The following SUGT1 variants were observed in gnomAD, a reference collection of about 807,000 sequenced individuals.
SUGT1 encodes the protein protein SGT1 homolog.
Under a neutral mutation model 56.1 loss-of-function variants are expected in SUGT1, and 15 were observed. The observed-to-expected ratio is 0.27, with a 90% CI of 0.18 to 0.41. SUGT1 has a LOEUF of 0.41. Among genes scored for constraint, SUGT1 ranks in the 10% least tolerant of loss-of-function variants. The pLI, the probability that SUGT1 is intolerant of heterozygous loss-of-function variation, is 1.00. For missense variants in SUGT1, 347 were observed against 382.2 expected (o/e 0.91, Z 0.77); for synonymous variants, 123 against 128.6 (o/e 0.96, Z 0.30).
At chr13:52,683,940 G>A (rs900236587) in intron 12 of SUGT1, among the ~76,000 whole-genome samples, 1 of 152,182 alleles carries the variant, frequency 6.6e-6, no homozygotes, top group Admixed American at 6.5e-5. Flanking sequence ...GAGTGTAGTA[G>A]TGTGATCATA....
In SUGT1 at chr13:52,698,446, A is replaced by AT. The variant is rs1963995611; in HGVS notation, c.*10612dup. The AT allele has an allele frequency of 5.8e-5, 2 of 34,350 alleles. No homozygotes were observed. Among genetic ancestry groups the AT allele is most frequent in the Non-Finnish European group, 1.2e-4 (2 of 16,938 alleles). The allele number at this position is 34,350 out of a possible 1,614,324, so 2.1% of individuals were successfully genotyped here. On this transcript the variant is annotated 3_prime_UTR_variant, in exon 13 of 13. Transcript: ENST00000310528. ...TCTCTCTTAAAACTTATTTATCCTAATCTTTTTTTTTTTTTTTTTTTTAAG... is the reference window on the plus strand; with the variant it reads ...TCTCTCTTAAAACTTATTTATCCTAATTCTTTTTTTTTTTTTTTTTTTTAAG...
chr13:52,652,845 T>C lies in SUGT1; in HGVS notation c.-76T>C, dbSNP rs1484838663. 6.4e-7 allele frequency: 1 copy of C among 1,567,110 alleles called. No individual in the cohort carries two copies. Among genetic ancestry groups the C allele is most frequent in the Non-Finnish European group, 8.7e-7 (1 of 1,154,490 alleles). ...AGCTCGGTTGGTGTTTCTCCAGAAGTTTCCCCCTTGGGCGGTGGTGGAGGT... is the reference window on the plus strand; with the variant it reads ...AGCTCGGTTGGTGTTTCTCCAGAAGCTTCCCCCTTGGGCGGTGGTGGAGGT... On this transcript the variant is annotated 5_prime_UTR_variant, in exon 1 of 13. Transcript: ENST00000310528.
intron 5 of SUGT1, 99 bp from the exon 6 acceptor site, chr13:52,662,550 C>T: frequency 8.1e-7 from 1 of 1,233,576 alleles, no homozygotes; most frequent in South Asian, 1.4e-5. Context: ...CTCCCCAGTG[C>T]CTAGAACACT....
intron 10 of SUGT1, among the ~76,000 whole-genome samples, chr13:52,668,168 G>A (rs1962794554): frequency 6.6e-6 from 1 of 152,094 alleles, no homozygotes. Flanking sequence ...TTTTTGTAGA[G>A]ATGGGGTTTC....
intron 10 of SUGT1, 148 bp downstream of exon 10, chr13:52,667,067 A>T: frequency 1.7e-6 from 1 of 585,866 alleles, no homozygotes; most frequent in Non-Finnish European, 2.9e-6. Flanking sequence ...TTTGAGTATA[A>T]GGGTTATTTT....
intron 10 of SUGT1, among the ~76,000 whole-genome samples, chr13:52,668,427 A>T (rs1157085426): frequency 6.6e-6 from 1 of 152,244 alleles, no homozygotes; most frequent in Non-Finnish European, 1.5e-5. Context: ...GCCTGCAGAA[A>T]GGACACAGCT....
intron 10 of SUGT1, among the ~76,000 whole-genome samples, chr13:52,670,576 G>A (rs1435166353): frequency 6.6e-6 from 1 of 152,172 alleles, no homozygotes; most frequent in Non-Finnish European, 1.5e-5. Flanking sequence ...GTAGGCCAAG[G>A]CGGTCGGATC....
rs190979336 is a variant in SUGT1 at position 52,666,889 on chromosome 13, A to T, written c.597A>T (p.Glu199Asp). 9 of 1,613,124 alleles carry T rather than the reference A, an allele frequency of 5.6e-6. No individual in the cohort carries two copies. In the East Asian group the frequency reaches 2.0e-4, roughly 36 times the overall value. Residue 199 changes from glutamate to aspartate, a missense_variant, in exon 10 of 13, where the codon GAA (glutamate) becomes GAT (aspartate). Transcript: ENST00000310528. ...AACTTCTTCATCCTATAATACCAGA[A>T]CAGAGCACGTTTAAAGTACTTTCAA... Reference protein sequence around the residue: ...KLELLHPIIPEQSTFKVLSTK... With the variant: ...KLELLHPIIPDQSTFKVLSTK...
chr13:52,666,039 G>C (rs1962686846), intron 9 of SUGT1, among the ~76,000 whole-genome samples: 1 of 152,216 alleles, frequency 6.6e-6, no homozygotes, highest in Non-Finnish European at 1.5e-5. Flanking sequence ...TTAGTTTTGT[G>C]ATCACACATG....
Position 52,657,636 on chromosome 13 carries a change from T to C in SUGT1, c.187+14T>C. 6.2e-7 allele frequency: 1 copy of C among 1,600,016 alleles called. No individual in the cohort carries two copies. Among genetic ancestry groups the C allele is most frequent in the Non-Finnish European group, 8.6e-7 (1 of 1,168,588 alleles). ...GGAATTACTGTGGTAACGTTTCTTA[T>C]AAAGTATATTGCCCCCTTTTAATAA... On this transcript the variant is annotated intron_variant, in intron 3 of 12. Coordinates refer to ENST00000310528, the MANE Select transcript of SUGT1 (RefSeq NM_006704.5).
intron 12 of SUGT1, among the ~76,000 whole-genome samples, chr13:52,684,154 G>A (rs9526979): frequency 0.28 from 42,146 of 151,898 alleles, 6,359 homozygotes; most frequent in Middle Eastern, 0.36. Flanking sequence ...GCCCACCTTG[G>A]CCTCCCAAAG....
At chr13:52,679,542 T>G (rs187696228) in intron 11 of SUGT1, among the ~76,000 whole-genome samples, 13 of 150,852 alleles carry the variant, frequency 8.6e-5, no homozygotes, top group African/African-American at 2.9e-4. Context: ...TTTTTAACAT[T>G]TATTAAAATC....
rs902969422 is a variant in SUGT1 at position 52,695,441 on chromosome 13, ACTTTTTT to A, written c.*7614_*7620del. Reference sequence around the variant, plus strand: ...TTTTGAGGGCAAGTGACTTATCTGAACTTTTTTCTTTTTTATAACACTGGATGATAAT... The same window carrying A: ...TTTTGAGGGCAAGTGACTTATCTGAACTTTTTTATAACACTGGATGATAAT... On this transcript the variant is annotated 3_prime_UTR_variant, in exon 13 of 13. Coordinates refer to ENST00000310528, the MANE Select transcript of SUGT1 (RefSeq NM_006704.5). 5.9e-5 allele frequency: 9 copies of A among 152,240 alleles called. No homozygotes were observed. Among genetic ancestry groups the A allele is most frequent in the Non-Finnish European group, 1.0e-4 (7 of 68,004 alleles). The allele number at this position is 152,240 out of a possible 1,614,324, so 9.4% of individuals were successfully genotyped here.
At chr13:52,684,401 G>GT (rs1391940085) in intron 12 of SUGT1, among the ~76,000 whole-genome samples, 1 of 93,922 alleles carries the variant, frequency 1.1e-5, no homozygotes, top group Non-Finnish European at 2.2e-5. Flanking sequence ...TCTTTGTTTC[G>GT]TTTTTTCCTC....
rs762504565 is a variant in SUGT1, at chr13:52,652,877, C to T, written c.-44C>T. On this transcript the variant is annotated 5_prime_UTR_variant, in exon 1 of 13. Coordinates refer to ENST00000310528, the MANE Select transcript of SUGT1 (RefSeq NM_006704.5). ...CTTGGGCGGTGGTGGAGGTGGTAACCGTGATAGTAGCAGCTCCGGCGGCAG... is the reference window on the plus strand; with the variant it reads ...CTTGGGCGGTGGTGGAGGTGGTAACTGTGATAGTAGCAGCTCCGGCGGCAG... 89 of 1,602,954 alleles carry T rather than the reference C, an allele frequency of 5.6e-5. No homozygotes were observed. The highest frequency in any genetic ancestry group is 6.7e-5 in the Non-Finnish European group (79 of 1,174,234).
At chr13:52,661,656 T>C in intron 5 of SUGT1, 1 of 373,414 alleles carries the variant, frequency 2.7e-6, no homozygotes, top group Non-Finnish European at 5.2e-6. Context: ...GGGTAAAGAA[T>C]TGTTACCTTT....
At chr13:52,684,372 T>C (rs1412863661) in intron 12 of SUGT1, among the ~76,000 whole-genome samples, 2 of 152,070 alleles carry the variant, frequency 1.3e-5, no homozygotes, top group African/African-American at 4.8e-5. Flanking sequence ...TATTGAATTT[T>C]TTCTTCCAAA....
chr13:52,686,114 G>T (rs1963579287), intron 12 of SUGT1, among the ~76,000 whole-genome samples: 1 of 151,964 alleles, frequency 6.6e-6, no homozygotes, highest in Admixed American at 6.6e-5. Context: ...TTTTAGTAGA[G>T]ATGGAGTTTC....
At chr13:52,657,960 G>A (rs1232903759) in intron 3 of SUGT1, 17 of 512,306 alleles carry the variant, frequency 3.3e-5, no homozygotes, top group South Asian at 2.0e-4. Context: ...GGTGGCTCAC[G>A]CCTGTAATCC....
Sources: gnomAD v4.1 joint callset for allele counts (sites outside exome capture counted in the v4.1 genomes callset) on GRCh38, gnomAD v4.1.1 for gene constraint, MANE v1.5 for transcripts, NCBI Gene and HGNC (gene_info 2026-07-23, HGNC 2026-07-21) for gene names.